DCDC2: variants seen among roughly 807,000 people sequenced by gnomAD.
DCDC2 encodes doublecortin domain-containing protein 2.
A neutral mutation model predicts 50.2 loss-of-function variants in DCDC2; 40 were observed. The ratio of observed to expected loss-of-function variants is 0.80; its 90% CI spans 0.62 to 1.04. The LOEUF is 1.04. Among genes scored for constraint, DCDC2 ranks in the 50% least tolerant of loss-of-function variants. The probability of loss-of-function intolerance (pLI) is 0.00; values close to 1 mark genes in which losing one functional copy is unlikely to be tolerated. For missense variants in DCDC2, 570 were observed against 581.9 expected (o/e 0.98, Z 0.21); for synonymous variants, 234 against 210.6 (o/e 1.11, Z -0.96).
intron 7 of DCDC2, among the ~76,000 whole-genome samples, chr6:24,257,245 A>T (rs1452783774): frequency 1.3e-5 from 2 of 152,210 alleles, no homozygotes; most frequent in Non-Finnish European, 2.9e-5. Flanking sequence ...CCTAACCTTC[A>T]AATAAAAACA....
At chr6:24,297,284 G>C (rs751309708) in intron 4 of DCDC2, among the ~76,000 whole-genome samples, 7 of 151,856 alleles carry the variant, frequency 4.6e-5, no homozygotes, top group Admixed American at 6.6e-5. Context: ...ACAAAGAGAA[G>C]AACAACAGGC....
intron 6 of DCDC2, among the ~76,000 whole-genome samples, chr6:24,283,735 G>A (rs1763531066): frequency 6.6e-6 from 1 of 152,128 alleles, no homozygotes; most frequent in Non-Finnish European, 1.5e-5. Context: ...TAAAGGAAAG[G>A]AGTAAATTAA....
intron 7 of DCDC2, among the ~76,000 whole-genome samples, chr6:24,260,265 G>T (rs899536756): frequency 6.6e-6 from 1 of 152,114 alleles, no homozygotes; most frequent in Admixed American, 6.5e-5. Flanking sequence ...TTATTAATGG[G>T]TTGCCGGTTC....
intron 8 of DCDC2, among the ~76,000 whole-genome samples, chr6:24,179,540 A>G (rs1435588919): frequency 1.2e-5 from 1 of 82,704 alleles, no homozygotes; most frequent in African/African-American, 4.7e-5. Flanking sequence ...AGAGCAAGAC[A>G]CCATCTCAAA....
intron 7 of DCDC2, among the ~76,000 whole-genome samples, chr6:24,234,163 A>G (rs941107954): frequency 1.3e-5 from 2 of 152,172 alleles, no homozygotes; most frequent in Admixed American, 1.3e-4. Context: ...GACTCTTAAA[A>G]ACAAGTAAGC....
intron 8 of DCDC2, among the ~76,000 whole-genome samples, chr6:24,192,112 T>G (rs543048880): frequency 6.6e-6 from 1 of 152,316 alleles, no homozygotes; most frequent in South Asian, 2.1e-4. Context: ...GGAGGTTTAT[T>G]ATCTGGAGAT....
chr6:24,218,301 AT>A (rs937282110), intron 7 of DCDC2, among the ~76,000 whole-genome samples: 1 of 152,224 alleles, frequency 6.6e-6, no homozygotes, highest in Non-Finnish European at 1.5e-5. Flanking sequence ...TTCAAAATAG[AT>A]CAAAACAAAC....
chr6:24,348,070 A>G (rs899601644), intron 2 of DCDC2, among the ~76,000 whole-genome samples: 11 of 152,226 alleles, frequency 7.2e-5, no homozygotes, highest in African/African-American at 2.2e-4. Flanking sequence ...TTAAAGCCTA[A>G]TCAGAAGTCT....
In DCDC2 at chr6:24,178,544, C is replaced by A; in HGVS notation, c.1112G>T (p.Gly371Val). 1.9e-6 allele frequency: 3 copies of A among 1,614,142 alleles called. No individual in the cohort carries two copies. The highest frequency in any genetic ancestry group is 2.7e-5 in the African/African-American group (2 of 75,034). ...EQKEDFSGMN[G>V]DLEEEGGREA... ...CCTACCTCCTTCCTCTTCAAGGTCA[C>A]CATTCATTCCTGAAAAGTCTTCTTT... The change falls in exon 9 of 10, where the codon GGT (glycine) becomes GTT (valine). Residue 371 changes from glycine to valine, a missense_variant. Transcript: ENST00000378454.
upstream of DCDC2, among the ~76,000 whole-genome samples, chr6:24,362,494 ATATT>A (rs1179035865): frequency 9.0e-6 from 1 of 110,876 alleles, no homozygotes; most frequent in Admixed American, 8.5e-5. Context: ...ATTTAATTGT[ATATT>A]TATACAATTA....
At chr6:24,258,047 C>A (rs1355328919) in intron 7 of DCDC2, among the ~76,000 whole-genome samples, 2 of 152,166 alleles carry the variant, frequency 1.3e-5, no homozygotes, top group Non-Finnish European at 2.9e-5. Flanking sequence ...CAGGCATGGA[C>A]TGCTAACCTC....
At chr6:24,303,367 G>A (rs181378276) in intron 2 of DCDC2, among the ~76,000 whole-genome samples, 91 of 152,058 alleles carry the variant, frequency 6.0e-4, no homozygotes, top group Non-Finnish European at 1.1e-3. Flanking sequence ...CAGACTCCTC[G>A]TCACGCACTG....
rs548149535 is a variant in DCDC2, at chr6:24,268,803, C to G, written c.922+9246G>C. Reference sequence around the variant, plus strand: ...GCCAGGCTGGTCTTGAACCCCCGACCTCAGGTGATCCACCCATCTCGGCCT... The same window carrying G: ...GCCAGGCTGGTCTTGAACCCCCGACGTCAGGTGATCCACCCATCTCGGCCT... On this transcript the variant is annotated intron_variant, in intron 7 of 9. Transcript: ENST00000378454. 7.6e-4 allele frequency among the ~76,000 whole-genome samples: 116 copies of G among 152,226 alleles called. No individual in the cohort carries two copies. In the Middle Eastern group the frequency reaches 0.01, roughly 13 times the overall value.
intron 7 of DCDC2, among the ~76,000 whole-genome samples, chr6:24,272,705 C>A (rs1241051032): frequency 1.3e-5 from 2 of 152,062 alleles, no homozygotes; most frequent in African/African-American, 4.8e-5. Context: ...CTGAAAAAGT[C>A]AAAAAACAAC....
intron 7 of DCDC2, among the ~76,000 whole-genome samples, chr6:24,264,604 T>C (rs544378362): frequency 6.0e-5 from 9 of 150,964 alleles, no homozygotes; most frequent in Admixed American, 2.6e-4. Flanking sequence ...CATGGTAACC[T>C]CAAGTCAAAA....
At chr6:24,280,697 C>G (rs1763451485) in intron 6 of DCDC2, among the ~76,000 whole-genome samples, 1 of 151,874 alleles carries the variant, frequency 6.6e-6, no homozygotes, top group Admixed American at 6.6e-5. Context: ...CCACCACACC[C>G]AGGTAAATTT....
At chr6:24,192,746 G>A (rs1044187276) in intron 8 of DCDC2, among the ~76,000 whole-genome samples, 1 of 151,970 alleles carries the variant, frequency 6.6e-6, no homozygotes, top group African/African-American at 2.4e-5. Flanking sequence ...CCACAGAGAT[G>A]AAAAGTAGGA....
At chr6:24,220,758 T>C (rs1762080101) in intron 7 of DCDC2, among the ~76,000 whole-genome samples, 1 of 151,566 alleles carries the variant, frequency 6.6e-6, no homozygotes, top group Non-Finnish European at 1.5e-5. Flanking sequence ...AGAGGTTTAA[T>C]TTACTCAGAG....
chr6:24,199,055 T>A (rs1305712427), intron 8 of DCDC2, among the ~76,000 whole-genome samples: 2 of 152,204 alleles, frequency 1.3e-5, no homozygotes. Flanking sequence ...ACAGAGCACC[T>A]GCGGGAAGCA....
Sources: allele counts gnomAD v4.1 joint callset (sites outside exome capture counted in the v4.1 genomes callset), GRCh38; gene constraint gnomAD v4.1.1; transcripts MANE v1.5; gene names NCBI Gene and HGNC (gene_info 2026-07-23, HGNC 2026-07-21).